DAB1: variants seen among roughly 807,000 people sequenced by gnomAD.
DAB1 encodes disabled homolog 1.
In DAB1, 15 loss-of-function variants were observed where a neutral mutation model predicts 64.6. That is an observed-to-expected ratio of 0.23 (90% confidence interval 0.16 to 0.36). The LOEUF is 0.36. Ranked by LOEUF, DAB1 falls within the 10% of genes least tolerant of loss-of-function variation. The probability of loss-of-function intolerance (pLI) is 1.00; values close to 1 mark genes in which losing one functional copy is unlikely to be tolerated. For synonymous variants in DAB1, 235 were observed against 251.9 expected (o/e 0.93, Z 0.64); for missense variants, 596 against 706.7 (o/e 0.84, Z 1.78).
chr1:57,500,039 C>T (rs562678757), intron 7 of DAB1, among the ~76,000 whole-genome samples: 17 of 152,300 alleles, frequency 1.1e-4, no homozygotes, highest in African/African-American at 4.1e-4. Context: ...TTTATCCACT[C>T]CATCTCTAAT....
chr1:58,431,521 GC>G (rs1557758314), intron 3 of DAB1, among the ~76,000 whole-genome samples: 1 of 132,022 alleles, frequency 7.6e-6, no homozygotes, highest in African/African-American at 3.0e-5. Flanking sequence ...TCACGCCACT[GC>G]ACTCCAGCCT....
chr1:58,128,298 T>C (rs1172193533), intron 5 of DAB1, among the ~76,000 whole-genome samples: 1 of 150,462 alleles, frequency 6.6e-6, no homozygotes, highest in East Asian at 2.0e-4. Context: ...GTGATTTTTG[T>C]ACATTGATTT....
At chr1:57,336,701 A>T (rs966234339) in intron 1 of DAB1, among the ~76,000 whole-genome samples, 1 of 152,192 alleles carries the variant, frequency 6.6e-6, no homozygotes, top group African/African-American at 2.4e-5. Context: ...CTTAACCATA[A>T]CATTATTCTG....
intron 1 of DAB1, among the ~76,000 whole-genome samples, chr1:58,545,039 G>A (rs774562353): frequency 6.6e-6 from 1 of 152,112 alleles, no homozygotes. Context: ...CTGGACTTTC[G>A]TTGGTTTTCC....
chr1:57,010,592 T>C, intron 14 of DAB1, 88 bp downstream of exon 14: 2 of 633,296 alleles, frequency 3.2e-6, no homozygotes, highest in Non-Finnish European at 5.3e-6. Context: ...GGTGCAAACA[T>C]TGAGGATGTG....
At chr1:58,079,124 A>G (rs1649827868) in intron 5 of DAB1, among the ~76,000 whole-genome samples, 1 of 152,228 alleles carries the variant, frequency 6.6e-6, no homozygotes, top group Non-Finnish European at 1.5e-5. Context: ...AAAGGCTCAG[A>G]GAAGTCAGGT....
At chr1:57,733,200 A>T (rs1454732765) in intron 6 of DAB1, among the ~76,000 whole-genome samples, 1 of 151,878 alleles carries the variant, frequency 6.6e-6, no homozygotes. Flanking sequence ...TAAAATTGCA[A>T]CTTGCTCTCC....
intron 2 of DAB1, among the ~76,000 whole-genome samples, chr1:57,234,453 C>T (rs1020397840): frequency 6.6e-6 from 1 of 151,912 alleles, no homozygotes; most frequent in African/African-American, 2.4e-5. Flanking sequence ...TTTTAGGTGT[C>T]AATAATTGTA....
chr1:57,711,452 G>A (rs961482931), intron 6 of DAB1, among the ~76,000 whole-genome samples: 1 of 152,222 alleles, frequency 6.6e-6, no homozygotes, highest in African/African-American at 2.4e-5. Flanking sequence ...CTGCTGACAG[G>A]GGGAGTGGTG....
At chr1:57,753,647 C>T (rs1213956193) in intron 6 of DAB1, among the ~76,000 whole-genome samples, 2 of 152,152 alleles carry the variant, frequency 1.3e-5, no homozygotes, top group African/African-American at 2.4e-5. Context: ...GATGTTTATC[C>T]ACATTTCATC....
At chr1:57,556,778 G>C (rs1048429150) in intron 7 of DAB1, among the ~76,000 whole-genome samples, 1 of 151,942 alleles carries the variant, frequency 6.6e-6, no homozygotes, top group African/African-American at 2.4e-5. Flanking sequence ...GAAGCTTTTT[G>C]GTTTAGTTAA....
chr1:58,291,042 T>C lies in DAB1; in HGVS notation n.309+52310A>G, dbSNP rs577456054. On this transcript the variant is annotated intron_variant and non_coding_transcript_variant, in intron 4 of 20. Transcript: ENST00000485760. ...AAGAGAAATTGTCCATCACCACTGCTCTCTTGAACAGAAGCTGAGTGATAT... is the reference window on the plus strand; with the variant it reads ...AAGAGAAATTGTCCATCACCACTGCCCTCTTGAACAGAAGCTGAGTGATAT... Among the ~76,000 whole-genome samples the C allele has an allele frequency of 2.0e-5, 3 of 152,262 alleles. No homozygotes were observed. In the South Asian group the frequency reaches 6.2e-4, roughly 32 times the overall value.
chr1:57,657,156 T>A (rs542464791), intron 6 of DAB1, among the ~76,000 whole-genome samples: 1 of 152,284 alleles, frequency 6.6e-6, no homozygotes, highest in Non-Finnish European at 1.5e-5. Context: ...CAAATCTCAA[T>A]TCTGGCCCTA....
rs750455500 is a variant in DAB1, at chr1:57,071,543, C to T, written c.537G>A (p.Gln179=). The T allele has an allele frequency of 3.1e-6, 5 of 1,613,712 alleles. No individual in the cohort carries two copies. The East Asian group carries it at 1.1e-4, about 36-fold the overall frequency. ...ATACCTGGTACACAGCTTGTTCACA[C>T]TGCTTATCCTTTTGTGCCTTTTTTT... ...ELEKKAQKDK[Q]CEQAVYQTIL... The change falls in exon 6 of 15, where the codon CAG becomes CAA. Residue 179 remains glutamine (Q), a synonymous_variant. Coordinates refer to ENST00000371236, the MANE Select transcript of DAB1 (RefSeq NM_001365792.1).
intron 7 of DAB1, among the ~76,000 whole-genome samples, chr1:57,448,668 CTATT>C (rs1163866416): frequency 3.9e-5 from 6 of 152,022 alleles, no homozygotes; most frequent in African/African-American, 1.4e-4. Context: ...TGGAGTAGGT[CTATT>C]TATTTTGAAG....
chr1:57,585,299 A>G (rs936591625), intron 7 of DAB1, among the ~76,000 whole-genome samples: 3 of 150,510 alleles, frequency 2.0e-5, no homozygotes, highest in Non-Finnish European at 4.4e-5. Flanking sequence ...GTGACAGAAC[A>G]GTAAGAGAAA....
chr1:58,346,146 C>G (rs934245175), intron 3 of DAB1, among the ~76,000 whole-genome samples: 3 of 152,234 alleles, frequency 2.0e-5, no homozygotes, highest in Non-Finnish European at 4.4e-5. Context: ...ATACGGCAGT[C>G]CGGCCCATAC....
intron 4 of DAB1, among the ~76,000 whole-genome samples, chr1:58,312,065 G>A (rs921877281): frequency 5.3e-5 from 8 of 152,104 alleles, no homozygotes; most frequent in African/African-American, 1.9e-4. Flanking sequence ...GCAAGAAAAA[G>A]CTGCCATCAG....
At chr1:58,456,510 A>G (rs765425023) in intron 3 of DAB1, among the ~76,000 whole-genome samples, 2 of 152,116 alleles carry the variant, frequency 1.3e-5, no homozygotes, top group Non-Finnish European at 1.5e-5. Flanking sequence ...GACAGGAGGG[A>G]TGTGGCAATG....
Sources: allele counts gnomAD v4.1 joint callset (sites outside exome capture counted in the v4.1 genomes callset), GRCh38; gene constraint gnomAD v4.1.1; transcripts MANE v1.5; gene names NCBI Gene and HGNC (gene_info 2026-07-23, HGNC 2026-07-21).